Variants in EFCAB5 observed in about 807,000 individuals in gnomAD.
EFCAB5 encodes the protein EF-hand calcium binding domain 5.
A neutral mutation model predicts 167.9 loss-of-function variants in EFCAB5; 131 were observed. That is an observed-to-expected ratio of 0.78 (90% CI 0.68 to 0.90). EFCAB5 has a LOEUF of 0.90. Ranked by LOEUF, EFCAB5 falls within the 40% of genes least tolerant of loss-of-function variation. EFCAB5 has a pLI of 0.00. For synonymous variants in EFCAB5, 574 were observed against 602.8 expected, an observed-to-expected ratio of 0.95 and a Z score of 0.70; for missense variants, 1,663 against 1,745.2, an observed-to-expected ratio of 0.95 and a Z score of 0.84.
At chr17:29,988,480 A>T (rs2068337989) in intron 4 of EFCAB5, among the ~76,000 whole-genome samples, 1 of 152,214 alleles carries the variant, frequency 6.6e-6, no homozygotes, top group Non-Finnish European at 1.5e-5. Flanking sequence ...TCGAGCCAGA[A>T]TAAGAAGCTT....
At chr17:30,024,025 C>T (rs959851778) in intron 7 of EFCAB5, among the ~76,000 whole-genome samples, 1 of 152,058 alleles carries the variant, frequency 6.6e-6, no homozygotes. Flanking sequence ...ACTGATGGGA[C>T]GTATCTGAAA....
chr17:29,935,124 A>T (rs2067234493), intron 1 of EFCAB5, among the ~76,000 whole-genome samples: 1 of 152,162 alleles, frequency 6.6e-6, no homozygotes, highest in Non-Finnish European at 1.5e-5. Context: ...TTAATATAGC[A>T]CAGATATATA....
chr17:30,051,361 A>G (rs1322297364), intron 9 of EFCAB5, 144 bp downstream of exon 9: 4 of 622,012 alleles, frequency 6.4e-6, no homozygotes, highest in Admixed American at 3.2e-5. Context: ...AGATCATGAT[A>G]ACTGTATCTA....
At chr17:30,049,271 A>G (rs993087608) in intron 8 of EFCAB5, among the ~76,000 whole-genome samples, 1 of 152,054 alleles carries the variant, frequency 6.6e-6, no homozygotes, top group African/African-American at 2.4e-5. Context: ...CACGAGGTCA[A>G]GAGACTGAGA....
chr17:30,063,859 C>G (rs1410894940), intron 14 of EFCAB5, among the ~76,000 whole-genome samples: 1 of 152,208 alleles, frequency 6.6e-6, no homozygotes, highest in East Asian at 1.9e-4. Context: ...GCTGCTGCCA[C>G]AAACTTTCTA....
chr17:30,055,814 C>A, intron 10 of EFCAB5, 74 bp from the exon 11 acceptor site: 1 of 1,488,282 alleles, frequency 6.7e-7, no homozygotes, highest in South Asian at 1.3e-5. Flanking sequence ...GCATTTCTAT[C>A]ACTTATTAAC....
intron 4 of EFCAB5, among the ~76,000 whole-genome samples, chr17:29,984,017 C>T (rs1199804474): frequency 6.6e-6 from 1 of 151,916 alleles, no homozygotes. Context: ...AGTACTTACC[C>T]TAAAATTCGT....
rs4567782 is a variant in EFCAB5 at position 29,941,782 on chromosome 17, A to T, written c.-15A>T. 7.5e-6 allele frequency: 12 copies of T among 1,596,496 alleles called. No individual in the cohort carries two copies. The East Asian group carries it at 2.0e-4, about 27-fold the overall frequency. On this transcript the variant is annotated 5_prime_UTR_variant, in exon 1 of 23. Coordinates refer to ENST00000394835, the MANE Select transcript of EFCAB5 (RefSeq NM_198529.4). ...TATTCTTCTATACCATTTGGTGATAACTTTTGGAGTCCAAATGAATGAGTC... is the reference window on the plus strand; with the variant it reads ...TATTCTTCTATACCATTTGGTGATATCTTTTGGAGTCCAAATGAATGAGTC...
At chr17:30,072,313 A>T (rs2070758988) in intron 14 of EFCAB5, among the ~76,000 whole-genome samples, 1 of 152,236 alleles carries the variant, frequency 6.6e-6, no homozygotes, top group Non-Finnish European at 1.5e-5. Context: ...CAAAAAATAC[A>T]GTTGGAAGTA....
intron 3 of EFCAB5, among the ~76,000 whole-genome samples, chr17:29,944,333 A>G (rs2067353562): frequency 6.6e-6 from 1 of 152,178 alleles, no homozygotes; most frequent in Non-Finnish European, 1.5e-5. Context: ...CTCCTGTCTC[A>G]GCCTCCAGAG....
chr17:29,979,364 C>T (rs1159067293), intron 4 of EFCAB5, among the ~76,000 whole-genome samples: 1 of 152,012 alleles, frequency 6.6e-6, no homozygotes, highest in Non-Finnish European at 1.5e-5. Context: ...GAAATCCTCA[C>T]CATTGAGGCC....
At chr17:29,945,519 C>A (rs1473209962) in intron 3 of EFCAB5, among the ~76,000 whole-genome samples, 1 of 151,802 alleles carries the variant, frequency 6.6e-6, no homozygotes, top group Non-Finnish European at 1.5e-5. Flanking sequence ...CGAGACCAGC[C>A]TGGGCAACAC....
chr17:29,930,852 G>A (rs1329705768), intron 1 of EFCAB5, among the ~76,000 whole-genome samples: 1 of 152,202 alleles, frequency 6.6e-6, no homozygotes, highest in Non-Finnish European at 1.5e-5. Flanking sequence ...GAGAAGCTGA[G>A]CGCGCCTGGG....
chr17:29,957,567 A>G (rs925493864), intron 3 of EFCAB5, among the ~76,000 whole-genome samples: 1 of 152,138 alleles, frequency 6.6e-6, no homozygotes, highest in Non-Finnish European at 1.5e-5. Context: ...CTTATAAGTG[A>G]GAACATGCGG....
chr17:29,979,091 C>A (rs1378203605), intron 4 of EFCAB5, among the ~76,000 whole-genome samples: 1 of 152,140 alleles, frequency 6.6e-6, no homozygotes, highest in Admixed American at 6.5e-5. Flanking sequence ...GTGGCTCACG[C>A]CTGTAATCTC....
At chr17:29,985,737 G>A (rs971208752) in intron 4 of EFCAB5, among the ~76,000 whole-genome samples, 1 of 152,204 alleles carries the variant, frequency 6.6e-6, no homozygotes, top group Non-Finnish European at 1.5e-5. Flanking sequence ...TCCACCCTGA[G>A]TGAGCCAGGT....
intron 12 of EFCAB5, 96 bp downstream of exon 12, chr17:30,056,252 G>A: frequency 2.7e-6 from 3 of 1,129,916 alleles, no homozygotes; most frequent in Non-Finnish European, 3.8e-6. Flanking sequence ...TTTAGCTAAG[G>A]CAGAATGGGA....
intron 20 of EFCAB5, among the ~76,000 whole-genome samples, chr17:30,090,935 G>A (rs2071184420): frequency 1.3e-5 from 2 of 152,162 alleles, no homozygotes; most frequent in Non-Finnish European, 2.9e-5. Flanking sequence ...GCTAGAACTA[G>A]CATGTATTAA....
intron 8 of EFCAB5, among the ~76,000 whole-genome samples, chr17:30,037,211 T>C (rs1321571634): frequency 1.3e-5 from 2 of 152,092 alleles, no homozygotes; most frequent in Non-Finnish European, 2.9e-5. Flanking sequence ...AGATACTCCC[T>C]TTCACTCCTG....
Sources: allele counts gnomAD v4.1 joint callset (sites outside exome capture counted in the v4.1 genomes callset), GRCh38; gene constraint gnomAD v4.1.1; transcripts MANE v1.5; gene names NCBI Gene and HGNC (gene_info 2026-07-23, HGNC 2026-07-21).